The following HOXC13 variants were observed in gnomAD, a reference collection of about 807,000 sequenced individuals.
The protein encoded by HOXC13 is homeobox C13.
Under a neutral mutation model 25.9 loss-of-function variants are expected in HOXC13, and 10 were observed. The ratio of observed to expected loss-of-function variants is 0.39; its 90% CI spans 0.24 to 0.65. The LOEUF is 0.65. Ranked by LOEUF, HOXC13 falls within the 30% of genes least tolerant of loss-of-function variation. HOXC13 has a pLI of 0.50. For missense variants in HOXC13, 439 were observed against 478.3 expected, an observed-to-expected ratio of 0.92 and a Z score of 0.77; for synonymous variants, 233 against 217.1, an observed-to-expected ratio of 1.07 and a Z score of -0.64.
In HOXC13 at chr12:53,945,017, C is replaced by T. The variant is rs1253144694; in HGVS notation, c.754C>T (p.Pro252Ser). The T allele has an allele frequency of 2.5e-6, 4 of 1,613,756 alleles. No individual in the cohort carries two copies. The highest frequency in any genetic ancestry group is 1.7e-6 in the Non-Finnish European group (2 of 1,180,016). Residue 252 changes from proline to serine, a missense_variant, in exon 2 of 2, where the codon CCC becomes TCC. Pro to Ser is a moderately conservative substitution (Grantham distance 74). Coordinates refer to ENST00000243056, the MANE Select transcript of HOXC13 (RefSeq NM_017410.3). The surrounding 1 kb of genome is among the most constrained non-coding windows in gnomAD (Gnocchi z 4.4). ...SPFPDVVPLQPEVSSYRRGRK... is the reference protein window; with the variant it reads ...SPFPDVVPLQSEVSSYRRGRK... ...CCCCGCAGACGTGGTTCCCCTGCAG[C>T]CCGAGGTGAGCAGCTACCGGCGCGG...
At chr12:53,944,004 A>T (rs548688475) in intron 1 of HOXC13, among the ~76,000 whole-genome samples, 2 of 152,328 alleles carry the variant, frequency 1.3e-5, no homozygotes, top group Non-Finnish European at 2.9e-5. Flanking sequence ...TATTGGTTTT[A>T]GTTTCTGTGA....
In HOXC13 at chr12:53,946,257, T is replaced by C. The variant is rs1207758649; in HGVS notation, c.*1001T>C. 4.4e-6 allele frequency: 1 copy of C among 227,722 alleles called. No homozygotes were observed. Among genetic ancestry groups the C allele is most frequent in the Admixed American group, 5.7e-5 (1 of 17,552 alleles). The allele number at this position is 227,722 out of a possible 1,614,324, so 14.1% of individuals were successfully genotyped here. A position where few individuals can be genotyped will look rare whatever the true frequency, so the allele number is the denominator to read the frequency against. On this transcript the variant is annotated 3_prime_UTR_variant, in exon 2 of 2. Coordinates refer to ENST00000243056, the MANE Select transcript of HOXC13 (RefSeq NM_017410.3). ...TCCAGAGGAAAGCTAGAGGATCTAG[T>C]TCAAGAGGCAAGAAGATCTGGCCCT... is the stretch of plus-strand genomic sequence containing the variant.
Position 53,939,019 on chromosome 12 carries a change from G to T in HOXC13, c.113G>T (p.Gly38Val). 6.7e-7 allele frequency: 1 copy of T among 1,485,418 alleles called. No homozygotes were observed. Among genetic ancestry groups the T allele is most frequent in the South Asian group, 1.3e-5 (1 of 78,320 alleles). The allele number at this position is 1,485,418 out of a possible 1,614,324, so 92.0% of individuals were successfully genotyped here. Residue 38 changes from glycine (G) to valine (V), a missense_variant, in exon 1 of 2, where the codon GGC becomes GTC. Transcript: ENST00000243056. This position sits in a 1 kb window ranked among gnomAD's most constrained non-coding sequence, Gnocchi z 6.7. ...IGGGGGGGGG[G>V]TGGAGGGCSG... The stretch of plus-strand genomic sequence containing the variant: ...GGCGGCGGCGGAGGAGGAGGCGGCG[G>T]CACGGGCGGAGCGGGGGGTGGCTGC...
At position 53,939,465 on chromosome 12, in the gene HOXC13, G is replaced by A. The variant is rs1249123693; in HGVS notation, c.559G>A (p.Gly187Ser). 5 of 1,608,746 alleles carry A rather than the reference G, an allele frequency of 3.1e-6. No individual in the cohort carries two copies. The highest frequency in any genetic ancestry group is 1.7e-5 in the Admixed American group (1 of 59,832). The change falls in exon 1 of 2, where the codon GGC becomes AGC. Residue 187 changes from glycine (G) to serine (S), a missense_variant. By Grantham distance (56) the Gly-to-Ser change is moderately conservative. Transcript: ENST00000243056. This position sits in a 1 kb window ranked among gnomAD's most constrained non-coding sequence, Gnocchi z 6.7. Reference sequence around the variant, plus strand: ...CGCCAGCTCCTACCAGGCGATGCCCGGCTACCTGGACGTGTCGGTGGTGCC... The same window carrying A: ...CGCCAGCTCCTACCAGGCGATGCCCAGCTACCTGGACGTGTCGGTGGTGCC... ...SFASSYQAMP[G>S]YLDVSVVPGI...
chr12:53,940,608 C>G (rs1475358755), intron 1 of HOXC13, among the ~76,000 whole-genome samples: 1 of 152,216 alleles, frequency 6.6e-6, no homozygotes, highest in Non-Finnish European at 1.5e-5. Context: ...TCCTTGCGGA[C>G]AAGACCAGTC....
chr12:53,945,380 G>A lies in HOXC13; in HGVS notation c.*124G>A. ...GTTAAGGAAAGAGAAGAACCGCGCC[G>A]CCCGGAGGCAGAGAGGCTCCATGGC... On this transcript the variant is annotated 3_prime_UTR_variant, in exon 2 of 2. Coordinates refer to ENST00000243056, the MANE Select transcript of HOXC13 (RefSeq NM_017410.3). The surrounding 1 kb of genome is among the most constrained non-coding windows in gnomAD (Gnocchi z 4.4). The A allele has an allele frequency of 8.3e-7, 1 of 1,202,958 alleles. No homozygotes were observed. Among genetic ancestry groups the A allele is most frequent in the East Asian group, 2.4e-5 (1 of 42,516 alleles). The allele number at this position is 1,202,958 out of a possible 1,614,324, so 74.5% of individuals were successfully genotyped here. A position where few individuals can be genotyped will look rare whatever the true frequency, so the allele number is the denominator to read the frequency against.
In HOXC13 at chr12:53,945,267, G is replaced by A. The variant is rs202061690; in HGVS notation, c.*11G>A. 104 of 1,613,504 alleles carry A rather than the reference G, an allele frequency of 6.4e-5. No homozygotes were observed. The East Asian group carries it at 2.1e-3, about 32-fold the overall frequency. ...CTCCACTCCACCTGACCACCCACCC[G>A]CTGCTTGCCCCATCTATTTATGTCT... On this transcript the variant is annotated 3_prime_UTR_variant, in exon 2 of 2. Transcript: ENST00000243056. This position sits in a 1 kb window ranked among gnomAD's most constrained non-coding sequence, Gnocchi z 4.4.
rs34421542 is a variant in HOXC13 at position 53,938,949 on chromosome 12, C to CTTA, written c.45_47dup (p.Leu15_Met16insIle). The stretch of plus-strand genomic sequence containing the variant: ...CCTGCATCCACGCTGGCCGGAGAGC[C>CTTA]TTATGTACGTCTATGAGGACAGCGC... On this transcript the variant is annotated inframe_insertion, in exon 1 of 2. Coordinates refer to ENST00000243056, the MANE Select transcript of HOXC13 (RefSeq NM_017410.3). The CTTA allele has an allele frequency of 0.021, 32,427 of 1,558,642 alleles. 614 individuals carry two copies. Among genetic ancestry groups the CTTA allele is most frequent in the South Asian group, 0.076 (6,599 of 86,556 alleles).
At chr12:53,944,608 T>C (rs1324521968) in intron 1 of HOXC13, among the ~76,000 whole-genome samples, 1 of 152,120 alleles carries the variant, frequency 6.6e-6, no homozygotes, top group Non-Finnish European at 1.5e-5. Context: ...TATACAAGGA[T>C]CCTAATATTG....
chr12:53,945,558 T>A lies in HOXC13; in HGVS notation c.*302T>A. ...CCTCTACTCCTCCTTGCGCTCACCT[T>A]GCCAGAAAGTCTGGTGGCAGCGCAG... is the stretch of plus-strand genomic sequence containing the variant. On this transcript the variant is annotated 3_prime_UTR_variant, in exon 2 of 2. Coordinates refer to ENST00000243056, the MANE Select transcript of HOXC13 (RefSeq NM_017410.3). The surrounding 1 kb of genome is among the most constrained non-coding windows in gnomAD (Gnocchi z 4.4). 1 of 439,978 alleles carries A rather than the reference T, an allele frequency of 2.3e-6. No individual in the cohort carries two copies. Among genetic ancestry groups the A allele is most frequent in the Non-Finnish European group, 4.1e-6 (1 of 241,184 alleles). 27.3% of individuals were successfully genotyped at this position (439,978 alleles called of 1,614,324 possible).
Position 53,939,412 on chromosome 12 carries a change from C to T in HOXC13, c.506C>T (p.Ala169Val). 1 of 1,604,826 alleles carries T rather than the reference C, an allele frequency of 6.2e-7. No individual in the cohort carries two copies. Among genetic ancestry groups the T allele is most frequent in the Non-Finnish European group, 8.5e-7 (1 of 1,177,638 alleles). The change falls in exon 1 of 2, where the codon GCC becomes GTC. Residue 169 changes from alanine to valine, a missense_variant. Ala to Val is a moderately conservative substitution (Grantham distance 64). Transcript: ENST00000243056. This position sits in a 1 kb window ranked among gnomAD's most constrained non-coding sequence, Gnocchi z 6.7. ...ALPGDDLSSRAKEFAFYPSFA... is the reference protein window; with the variant it reads ...ALPGDDLSSRVKEFAFYPSFA... ...CCCGGTGACGACCTGTCCTCTAGGG[C>T]CAAGGAGTTCGCCTTCTACCCCAGC...
At chr12:53,941,057 G>A (rs1938603594) in intron 1 of HOXC13, among the ~76,000 whole-genome samples, 1 of 151,940 alleles carries the variant, frequency 6.6e-6, no homozygotes, top group Non-Finnish European at 1.5e-5. Flanking sequence ...ACCTACACTA[G>A]GCACCCTGAC....
In HOXC13 at chr12:53,939,410, G is replaced by A. The variant is rs776062016; in HGVS notation, c.504G>A (p.Arg168=). The part of the protein sequence containing the change: ...GALPGDDLSS[R]AKEFAFYPSF... The stretch of plus-strand genomic sequence containing the variant: ...TGCCCGGTGACGACCTGTCCTCTAG[G>A]GCCAAGGAGTTCGCCTTCTACCCCA... Residue 168 remains arginine, a synonymous_variant, in exon 1 of 2, where the codon AGG becomes AGA. Transcript: ENST00000243056. The surrounding 1 kb of genome is among the most constrained non-coding windows in gnomAD (Gnocchi z 6.7). The A allele has an allele frequency of 2.5e-6, 4 of 1,605,142 alleles. No individual in the cohort carries two copies. The South Asian group carries it at 4.4e-5, about 18-fold the overall frequency.
At position 53,946,001 on chromosome 12, in the gene HOXC13, G is replaced by A. The variant is rs1314352682; in HGVS notation, c.*745G>A. The A allele has an allele frequency of 4.3e-6, 1 of 231,632 alleles. No individual in the cohort carries two copies. Among genetic ancestry groups the A allele is most frequent in the Non-Finnish European group, 8.5e-6 (1 of 117,198 alleles). The allele number at this position is 231,632 out of a possible 1,614,324, so 14.3% of individuals were successfully genotyped here. ...CTCAGTCAACATGTGGAAATCCAAG[G>A]AGGACAAAGACTCCAGCCACGCTGC... On this transcript the variant is annotated 3_prime_UTR_variant, in exon 2 of 2. Coordinates refer to ENST00000243056, the MANE Select transcript of HOXC13 (RefSeq NM_017410.3).
chr12:53,942,414 C>T (rs987732838), intron 1 of HOXC13, among the ~76,000 whole-genome samples: 7 of 14,886 alleles, frequency 4.7e-4, no homozygotes, highest in African/African-American at 5.6e-4. Flanking sequence ...TGTGGGGGGG[C>T]GGGTGGTCAA....
intron 1 of HOXC13, among the ~76,000 whole-genome samples, chr12:53,941,560 A>G (rs1260575945): frequency 3.4e-5 from 2 of 58,002 alleles, no homozygotes; most frequent in African/African-American, 7.4e-5. Flanking sequence ...AAAGATTCCT[A>G]GGACACAAAA....
chr12:53,939,902 C>T lies in HOXC13; in HGVS notation c.736+260C>T, dbSNP rs1213328019. Reference sequence around the variant, plus strand: ...GCCGGGCCGCCGGCTCTGCTCTGTCCGGTAGCTCGCCTCCGCCTCCCCTTG... The same window carrying T: ...GCCGGGCCGCCGGCTCTGCTCTGTCTGGTAGCTCGCCTCCGCCTCCCCTTG... On this transcript the variant is annotated intron_variant, in intron 1 of 1. Coordinates refer to ENST00000243056, the MANE Select transcript of HOXC13 (RefSeq NM_017410.3). This position sits in a 1 kb window ranked among gnomAD's most constrained non-coding sequence, Gnocchi z 6.7. Among the ~76,000 whole-genome samples the T allele has an allele frequency of 1.3e-5, 2 of 152,230 alleles. No individual in the cohort carries two copies. The highest frequency in any genetic ancestry group is 2.4e-5 in the African/African-American group (1 of 41,464).
chr12:53,939,032 G>A lies in HOXC13; in HGVS notation c.126G>A (p.Ala42=), dbSNP rs986514749. Residue 42 remains alanine, a synonymous_variant, in exon 1 of 2, where the codon GCG becomes GCA. Transcript: ENST00000243056. This position sits in a 1 kb window ranked among gnomAD's most constrained non-coding sequence, Gnocchi z 6.7. ...GAGGAGGCGGCGGCACGGGCGGAGC[G>A]GGGGGTGGCTGCAGCGGAGCGAGCC... The part of the protein sequence containing the change: ...GGGGGGGTGG[A]GGGCSGASPG... 4.8e-6 allele frequency: 7 copies of A among 1,467,474 alleles called. No individual in the cohort carries two copies. The African/African-American group carries it at 8.8e-5, about 19-fold the overall frequency. 90.9% of individuals were successfully genotyped at this position (1,467,474 alleles called of 1,614,324 possible).
Position 53,945,408 on chromosome 12 carries a change from T to A in HOXC13, c.*152T>A. On this transcript the variant is annotated 3_prime_UTR_variant, in exon 2 of 2. Transcript: ENST00000243056. The surrounding 1 kb of genome is among the most constrained non-coding windows in gnomAD (Gnocchi z 4.4). ...CGGAGGCAGAGAGGCTCCATGGCCG[T>A]GCTGCTGGGCCATCCCCAACTCCCT... The A allele has an allele frequency of 1.1e-6, 1 of 872,314 alleles. No individual in the cohort carries two copies. The highest frequency in any genetic ancestry group is 1.8e-6 in the Non-Finnish European group (1 of 569,644). The allele number at this position is 872,314 out of a possible 1,614,324, so 54.0% of individuals were successfully genotyped here. A position where few individuals can be genotyped will look rare whatever the true frequency, so the allele number is the denominator to read the frequency against.
Sources: gnomAD v4.1 joint callset for allele counts (sites outside exome capture counted in the v4.1 genomes callset) on GRCh38, gnomAD v4.1.1 for gene constraint, Gnocchi (gnomAD v3.1) non-coding constraint, MANE v1.5 for transcripts, NCBI Gene and HGNC (gene_info 2026-07-23, HGNC 2026-07-21) for gene names.